ICMT: variants seen among roughly 807,000 people sequenced by gnomAD.
The protein encoded by ICMT is isoprenylcysteine carboxyl methyltransferase, also known as protein-S-isoprenylcysteine O-methyltransferase.
Under a neutral mutation model 32.2 loss-of-function variants are expected in ICMT, and 10 were observed. The observed-to-expected ratio is 0.31, with a 90% confidence interval of 0.19 to 0.53. The LOEUF (loss-of-function observed/expected upper bound fraction) is 0.53, where lower values mean the gene tolerates loss of function less well. Ranked by LOEUF, ICMT falls within the 20% of genes least tolerant of loss-of-function variation. The probability of loss-of-function intolerance (pLI) is 0.96; values close to 1 mark genes in which losing one functional copy is unlikely to be tolerated. For synonymous variants in ICMT, 183 were observed against 158.2 expected (o/e 1.16, Z -1.18); for missense variants, 265 against 356.9 (o/e 0.74, Z 2.07).
In ICMT at chr1:6,235,834, C is replaced by T. The variant is rs1403905686; in HGVS notation, c.78G>A (p.Ser26=). 7.0e-6 allele frequency: 9 copies of T among 1,290,696 alleles called. No individual in the cohort carries two copies. Among genetic ancestry groups the T allele is most frequent in the Non-Finnish European group, 5.9e-6 (6 of 1,009,576 alleles). 80.0% of individuals were successfully genotyped at this position (1,290,696 alleles called of 1,614,324 possible). A position where few individuals can be genotyped will look rare whatever the true frequency, so the allele number is the denominator to read the frequency against. ...LSLATFLLGA[S]VLALPLLTRA... The stretch of plus-strand genomic sequence containing the variant: ...GCGTGAGCAGCGGCAGCGCGAGCAC[C>T]GAGGCGCCCAGCAGGAAGGTGGCGA... Residue 26 remains serine, a synonymous_variant, in exon 1 of 5, where the codon TCG becomes TCA. Coordinates refer to ENST00000343813, the MANE Select transcript of ICMT (RefSeq NM_012405.4).
intron 2 of ICMT, chr1:6,234,593 T>C (rs897560259): frequency 4.0e-6 from 2 of 501,328 alleles, no homozygotes; most frequent in Non-Finnish European, 7.6e-6. Context: ...CCTGCACCCC[T>C]TCCGGGAAGG....
Position 6,225,083 on chromosome 1 carries a change from C to T in ICMT, c.852G>A (p.Leu284=). Residue 284 remains leucine, a synonymous_variant, in exon 5 of 5, where the codon CTG becomes CTA. Transcript: ENST00000343813. The part of the protein sequence containing the change: ...LPFIKGVKVD[L] The stretch of plus-strand genomic sequence containing the variant: ...AGGTCACCGGGGCCACTGCCCGTCA[C>T]AGGTCCACCTTGACCCCCTTTATGA... The T allele has an allele frequency of 6.2e-7, 1 of 1,612,298 alleles. No individual in the cohort carries two copies. Among genetic ancestry groups the T allele is most frequent in the Non-Finnish European group, 8.5e-7 (1 of 1,178,934 alleles).
intron 4 of ICMT, among the ~76,000 whole-genome samples, chr1:6,230,514 A>C (rs1668717166): frequency 6.7e-6 from 1 of 148,184 alleles, no homozygotes; most frequent in Non-Finnish European, 1.5e-5. Flanking sequence ...TGAGCTCAGG[A>C]GGTCAAGGCT....
At chr1:6,233,373 T>C (rs1668767180) in intron 3 of ICMT, 101 bp downstream of exon 3, 9 of 1,081,242 alleles carry the variant, frequency 8.3e-6, no homozygotes, top group Admixed American at 2.3e-5. Flanking sequence ...GGAAAATCGC[T>C]TGGGGGAGAT....
chr1:6,234,439 GA>G, intron 2 of ICMT: 1 of 490,742 alleles, frequency 2.0e-6, no homozygotes, highest in Admixed American at 2.1e-5. Context: ...GGTCAGACTA[GA>G]AGGCTCAAGG....
At chr1:6,228,978 A>C (rs747223453) in intron 4 of ICMT, among the ~76,000 whole-genome samples, 1 of 151,422 alleles carries the variant, frequency 6.6e-6, no homozygotes, top group Non-Finnish European at 1.5e-5. Context: ...GGTTGCAGTG[A>C]GCCAAGATCG....
At chr1:6,232,183 A>T in intron 3 of ICMT, 64 bp from the exon 4 acceptor site, 1 of 1,201,752 alleles carries the variant, frequency 8.3e-7, no homozygotes, top group South Asian at 1.3e-5. Context: ...TCCCCTTCGC[A>T]CTGCTTAAAA....
At chr1:6,234,369 C>T (rs1159005138) in intron 2 of ICMT, 1 of 417,428 alleles carries the variant, frequency 2.4e-6, no homozygotes, top group Non-Finnish European at 4.7e-6. Context: ...GATTAGATGG[C>T]TCAAAATATT....
rs753689810 is a variant in ICMT at position 6,225,236 on chromosome 1, G to A, written c.699C>T (p.Gly233=). The change falls in exon 5 of 5, where the codon GGC becomes GGT. Residue 233 remains glycine (G), a synonymous_variant. Transcript: ENST00000343813. ...TQVMLCNPIC[G]VSYALTVWRF... ...GCCACACTGTCAGGGCATAGCTGACGCCGCAGATGGGGTTACACAGCATCA... is the reference window on the plus strand; with the variant it reads ...GCCACACTGTCAGGGCATAGCTGACACCGCAGATGGGGTTACACAGCATCA... 8.7e-6 allele frequency: 14 copies of A among 1,613,492 alleles called. No individual in the cohort carries two copies. Among genetic ancestry groups the A allele is most frequent in the East Asian group, 4.5e-5 (2 of 44,876 alleles).
At position 6,235,885 on chromosome 1, in the gene ICMT, C is replaced by T. The variant is rs1668819322; in HGVS notation, c.27G>A (p.Pro9=). The change falls in exon 1 of 5, where the codon CCG becomes CCA. Residue 9 remains proline (P), a synonymous_variant. Transcript: ENST00000343813. MAGCAARA[P]PGSEARLSLA... ...GGCTGAGACGCGCCTCAGAGCCCGG[C>T]GGAGCCCGCGCCGCGCAGCCCGCCA... The T allele has an allele frequency of 1.1e-5, 13 of 1,135,702 alleles. No homozygotes were observed. The highest frequency in any genetic ancestry group is 4.0e-5 in the South Asian group (1 of 25,132). The allele number at this position is 1,135,702 out of a possible 1,614,324, so 70.4% of individuals were successfully genotyped here. A position where few individuals can be genotyped will look rare whatever the true frequency, so the allele number is the denominator to read the frequency against.
rs1248632160 is a variant in ICMT at position 6,222,814 on chromosome 1, G to C, written c.*2266C>G. On this transcript the variant is annotated 3_prime_UTR_variant, in exon 5 of 5. Transcript: ENST00000343813. ...GGAGGCTGGGCCCGCCCTACTTAGA[G>C]CAGGGGAAAGAACTTTTCCCTCAAA... 6.6e-6 allele frequency: 1 copy of C among 152,284 alleles called. No individual in the cohort carries two copies. Among genetic ancestry groups the C allele is most frequent in the East Asian group, 1.9e-4 (1 of 5,196 alleles). 9.4% of individuals were successfully genotyped at this position (152,284 alleles called of 1,614,324 possible).
At chr1:6,230,608 A>T (rs948329646) in intron 4 of ICMT, among the ~76,000 whole-genome samples, 17 of 144,830 alleles carry the variant, frequency 1.2e-4, no homozygotes, top group Non-Finnish European at 2.6e-4. Flanking sequence ...AAAAAAAAAA[A>T]GCTGGGCACG....
At chr1:6,229,783 T>TACAC (rs34741419) in intron 4 of ICMT, among the ~76,000 whole-genome samples, 6,091 of 146,640 alleles carry the variant, frequency 0.042, 434 homozygotes, top group African/African-American at 0.14. Context: ...ATAAAAAAAA[T>TACAC]ACACACACAC....
chr1:6,228,346 T>C (rs1571224336), intron 4 of ICMT, among the ~76,000 whole-genome samples: 1 of 151,902 alleles, frequency 6.6e-6, no homozygotes, highest in Admixed American at 6.6e-5. Flanking sequence ...TGGTTTCTTT[T>C]TCTTTTTTTT....
At chr1:6,225,746 T>TC (rs1668636353) in intron 4 of ICMT, among the ~76,000 whole-genome samples, 2 of 151,730 alleles carry the variant, frequency 1.3e-5, no homozygotes, top group Admixed American at 1.3e-4. Context: ...ACCTCCACGC[T>TC]CAGAGAGCTC....
chr1:6,226,595 G>A (rs1022028650), intron 4 of ICMT, among the ~76,000 whole-genome samples: 16 of 152,156 alleles, frequency 1.1e-4, no homozygotes, highest in African/African-American at 3.6e-4. Context: ...CGGAGAGCCA[G>A]GCTCATGTCC....
At chr1:6,235,203 A>AG (rs1668801194) in intron 1 of ICMT, among the ~76,000 whole-genome samples, 1 of 152,238 alleles carries the variant, frequency 6.6e-6, no homozygotes, top group Non-Finnish European at 1.5e-5. Flanking sequence ...ATCTACAGCC[A>AG]GGGGATAACA....
chr1:6,231,467 G>A (rs539896191), intron 4 of ICMT, among the ~76,000 whole-genome samples: 1 of 151,882 alleles, frequency 6.6e-6, no homozygotes, highest in Non-Finnish European at 1.5e-5. Context: ...AGCACTTTGC[G>A]AGGCTGAGGT....
intron 4 of ICMT, among the ~76,000 whole-genome samples, chr1:6,226,443 T>A (rs1668646717): frequency 6.6e-6 from 1 of 152,128 alleles, no homozygotes; most frequent in Non-Finnish European, 1.5e-5. Context: ...AAACAGTCCT[T>A]CAAGGCCAAA....
Sources: allele counts gnomAD v4.1 joint callset (sites outside exome capture counted in the v4.1 genomes callset), GRCh38; gene constraint gnomAD v4.1.1; transcripts MANE v1.5; gene names NCBI Gene and HGNC (gene_info 2026-07-23, HGNC 2026-07-21).